Variants in SGCD observed in about 807,000 individuals in gnomAD.
SGCD encodes the protein sarcoglycan delta.
Under a neutral mutation model 36.6 loss-of-function variants are expected in SGCD, and 18 were observed. The ratio of observed to expected loss-of-function variants is 0.49; its 90% confidence interval spans 0.34 to 0.73. The LOEUF (loss-of-function observed/expected upper bound fraction) is 0.73. SGCD is among the 30% of genes least tolerant of loss of function. The probability of loss-of-function intolerance (pLI) is 0.01; values close to 1 mark genes in which losing one functional copy is unlikely to be tolerated. For synonymous variants in SGCD, 133 were observed against 130.6 expected (o/e 1.02, Z -0.12); for missense variants, 387 against 346.7 (o/e 1.12, Z -0.92).
intron 3 of SGCD, among the ~76,000 whole-genome samples, chr5:156,155,633 A>C (rs755169697): frequency 9.0e-5 from 13 of 144,386 alleles, no homozygotes; most frequent in Non-Finnish European, 1.8e-4. Context: ...AAAAAAAAAG[A>C]AGCACACAGG....
intron 3 of SGCD, among the ~76,000 whole-genome samples, chr5:156,415,874 TAA>T (rs1269399393): frequency 6.6e-6 from 1 of 152,206 alleles, no homozygotes; most frequent in Admixed American, 6.5e-5. Flanking sequence ...AAAGTCGCTT[TAA>T]AACTTTTAGC....
chr5:155,977,418 A>G (rs1020866249), intron 1 of SGCD, among the ~76,000 whole-genome samples: 4 of 152,370 alleles, frequency 2.6e-5, no homozygotes, highest in Non-Finnish European at 4.4e-5. Context: ...TATAAACTCC[A>G]TAATACTGGC....
At chr5:156,603,236 T>C (rs888767484) in intron 6 of SGCD, among the ~76,000 whole-genome samples, 3 of 152,126 alleles carry the variant, frequency 2.0e-5, no homozygotes, top group Non-Finnish European at 4.4e-5. Flanking sequence ...AGATAGATAT[T>C]CATATAGATA....
At chr5:156,133,924 CA>C (rs1762388997) in intron 3 of SGCD, among the ~76,000 whole-genome samples, 2 of 76,286 alleles carry the variant, frequency 2.6e-5, no homozygotes, top group Non-Finnish European at 7.0e-5. Flanking sequence ...AACACACACA[CA>C]CACACACACA....
intron 1 of SGCD, among the ~76,000 whole-genome samples, chr5:155,886,513 TG>T (rs1265495746): frequency 6.7e-6 from 1 of 150,030 alleles, no homozygotes; most frequent in Non-Finnish European, 1.5e-5. Context: ...CGCGCGTGCG[TG>T]TGTGTGTGCG....
Position 156,762,201 on chromosome 5 carries a change from A to T in SGCD, c.*2811A>T, listed in dbSNP as rs1581544685. ...CTTTATATATGACATTTTCTAGACA[A>T]TCGCACCTTTGGGTATATTAAACAG... is the stretch of plus-strand genomic sequence containing the variant. On this transcript the variant is annotated 3_prime_UTR_variant, in exon 9 of 9. Coordinates refer to ENST00000337851, the MANE Select transcript of SGCD (RefSeq NM_000337.6). The T allele has an allele frequency of 6.6e-6, 1 of 152,588 alleles. No individual in the cohort carries two copies. Among genetic ancestry groups the T allele is most frequent in the Non-Finnish European group, 1.5e-5 (1 of 68,022 alleles). 9.5% of individuals were successfully genotyped at this position (152,588 alleles called of 1,614,324 possible). A position where few individuals can be genotyped will look rare whatever the true frequency, so the allele number is the denominator to read the frequency against.
chr5:156,541,785 T>G (rs937295955), intron 4 of SGCD, among the ~76,000 whole-genome samples: 1 of 152,202 alleles, frequency 6.6e-6, no homozygotes, highest in Non-Finnish European at 1.5e-5. Context: ...GCACATTTTA[T>G]GTATGCTGCA....
intron 4 of SGCD, among the ~76,000 whole-genome samples, chr5:156,528,566 A>G (rs1425959904): frequency 6.6e-6 from 1 of 152,184 alleles, no homozygotes; most frequent in African/African-American, 2.4e-5. Flanking sequence ...TTATACATTT[A>G]TTAATTATCT....
the SGCD span, among the ~76,000 whole-genome samples, chr5:155,775,372 T>C: frequency 6.6e-6 from 1 of 152,118 alleles, no homozygotes; most frequent in East Asian, 1.9e-4. Context: ...ATGCTTTGCA[T>C]GTATTAACTT....
Position 156,515,769 on chromosome 5 carries a change from G to A in SGCD, c.294+7067G>A, listed in dbSNP as rs78263503. ...CAGCAGCATGCTGAAGACTGCCTGA[G>A]ATGACCAAGTTTCCAGAGGGGAAGG... On this transcript the variant is annotated intron_variant, in intron 4 of 8. Transcript: ENST00000337851. Among the ~76,000 whole-genome samples the A allele has an allele frequency of 0.012, 1,852 of 152,348 alleles. 93 individuals carry two copies. In the East Asian group the frequency reaches 0.17, roughly 14 times the overall value.
At chr5:156,716,479 G>A (rs964880394) in intron 7 of SGCD, among the ~76,000 whole-genome samples, 1 of 152,206 alleles carries the variant, frequency 6.6e-6, no homozygotes, top group East Asian at 1.9e-4. Flanking sequence ...AGCTGTCTTA[G>A]CTCTGCCTCT....
chr5:156,257,600 A>G lies in SGCD; in HGVS notation c.-43-71934A>G, dbSNP rs955526748. 3.9e-5 allele frequency among the ~76,000 whole-genome samples: 6 copies of G among 152,252 alleles called. No individual in the cohort carries two copies. In the South Asian group the frequency reaches 1.2e-3, roughly 32 times the overall value. On this transcript the variant is annotated intron_variant, in intron 3 of 9. Coordinates refer to the SGCD transcript ENST00000517913. ...GTCCTTGGGTCGGGCGCGGTGGCTC[A>G]TGCCTGTAATCCCAGCACTTTGGGA...
intron 2 of SGCD, among the ~76,000 whole-genome samples, chr5:156,336,629 T>TA (rs1308487033): frequency 9.2e-5 from 14 of 151,970 alleles, no homozygotes; most frequent in Admixed American, 2.6e-4. Context: ...CTTGTTTGTG[T>TA]AAAAAAAATA....
intron 1 of SGCD, among the ~76,000 whole-genome samples, chr5:155,960,273 T>C (rs1373832732): frequency 6.6e-6 from 1 of 152,088 alleles, no homozygotes; most frequent in Non-Finnish European, 1.5e-5. Context: ...CCTGCTACTC[T>C]GTTGTCCTGG....
At chr5:156,758,097 TG>T (rs1757407505) in intron 8 of SGCD, 2 of 748,754 alleles carry the variant, frequency 2.7e-6, no homozygotes, top group African/African-American at 3.8e-5. Context: ...CACATGTTTC[TG>T]TTTTCACTGA....
At chr5:156,551,264 A>G (rs752013271) in intron 4 of SGCD, among the ~76,000 whole-genome samples, 7 of 152,234 alleles carry the variant, frequency 4.6e-5, no homozygotes, top group Non-Finnish European at 4.4e-5. Context: ...TATGAAAACT[A>G]TGCCATTCCC....
At chr5:156,328,537 A>T (rs1228718711) in intron 1 of SGCD, among the ~76,000 whole-genome samples, 7 of 152,208 alleles carry the variant, frequency 4.6e-5, no homozygotes, top group Admixed American at 2.0e-4. Context: ...GCTGAAAGAA[A>T]AGTGGAGAGC....
the SGCD span, among the ~76,000 whole-genome samples, chr5:155,833,948 A>G: frequency 0.048 from 7,308 of 152,322 alleles, 232 homozygotes; most frequent in Middle Eastern, 0.14. Context: ...TAGAGACCCT[A>G]CACTGAGTTG....
At chr5:155,867,293 G>A (rs373072366), upstream of SGCD, among the ~76,000 whole-genome samples, 9 of 152,112 alleles carry the variant, frequency 5.9e-5, no homozygotes, top group East Asian at 3.9e-4. Context: ...AGAAAAATAC[G>A]GCAAAGATAA....
Sources: gnomAD v4.1 joint callset for allele counts (sites outside exome capture counted in the v4.1 genomes callset) on GRCh38, gnomAD v4.1.1 for gene constraint, MANE v1.5 for transcripts, NCBI Gene and HGNC (gene_info 2026-07-23, HGNC 2026-07-21) for gene names.